UGCG: variants seen among roughly 807,000 people sequenced by gnomAD.
The protein encoded by UGCG is UDP-glucose ceramide glucosyltransferase, also known as ceramide glucosyltransferase.
Under a neutral mutation model 49.5 loss-of-function variants are expected in UGCG, and 10 were observed. The ratio of observed to expected loss-of-function variants is 0.20; its 90% CI spans 0.12 to 0.34. The LOEUF (loss-of-function observed/expected upper bound fraction) is 0.34. UGCG is among the 10% of genes least tolerant of loss of function. UGCG has a pLI of 1.00. For missense variants in UGCG, 312 were observed against 483.7 expected, an observed-to-expected ratio of 0.65 and a Z score of 3.33; for synonymous variants, 182 against 158.2, an observed-to-expected ratio of 1.15 and a Z score of -1.13.
chr9:111,910,588 A>G (rs1481445858), intron 1 of UGCG, among the ~76,000 whole-genome samples: 1 of 152,144 alleles, frequency 6.6e-6, no homozygotes, highest in Admixed American at 6.5e-5. Context: ...TGTCATTCCT[A>G]GAACTTGTGT....
At chr9:111,898,881 A>G (rs1200549307) in intron 1 of UGCG, among the ~76,000 whole-genome samples, 1 of 152,208 alleles carries the variant, frequency 6.6e-6, no homozygotes, top group East Asian at 1.9e-4. Context: ...AACCTGCTTT[A>G]AAGTTCATCT....
intron 1 of UGCG, among the ~76,000 whole-genome samples, chr9:111,906,357 A>C (rs1003344398): frequency 6.6e-6 from 1 of 152,108 alleles, no homozygotes; most frequent in African/African-American, 2.4e-5. Flanking sequence ...TTATTGGCTA[A>C]ACTCCTTGAT....
At chr9:111,915,770 C>T in intron 2 of UGCG, 1 of 984,704 alleles carries the variant, frequency 1.0e-6, no homozygotes. Context: ...CTTTATTTTT[C>T]TCGGTAGCAC....
chr9:111,931,244 T>G (rs760480764), intron 6 of UGCG, 27 bp from the exon 7 acceptor site: 3 of 1,608,972 alleles, frequency 1.9e-6, no homozygotes, highest in African/African-American at 2.7e-5. Flanking sequence ...TCATCATAAC[T>G]TATTTTCTAA....
At chr9:111,902,058 A>G (rs1837784742) in intron 1 of UGCG, among the ~76,000 whole-genome samples, 1 of 152,248 alleles carries the variant, frequency 6.6e-6, no homozygotes, top group African/African-American at 2.4e-5. Flanking sequence ...CCCCAAATGT[A>G]CAATGTGCTT....
At chr9:111,917,202 T>TTAGTACAG (rs1307012185) in intron 2 of UGCG, among the ~76,000 whole-genome samples, 1 of 152,220 alleles carries the variant, frequency 6.6e-6, no homozygotes, top group East Asian at 1.9e-4. Context: ...TTTTATTTTC[T>TTAGTACAG]AATTATAAAC....
At chr9:111,917,088 T>C (rs977602059) in intron 2 of UGCG, among the ~76,000 whole-genome samples, 6 of 152,180 alleles carry the variant, frequency 3.9e-5, no homozygotes, top group African/African-American at 1.4e-4. Context: ...TCTTTTTCCA[T>C]TTAGTTATAT....
chr9:111,914,472 A>G (rs939467580), intron 1 of UGCG, 133 bp from the exon 2 acceptor site: 1 of 873,416 alleles, frequency 1.1e-6, no homozygotes, highest in Non-Finnish European at 1.7e-6. Flanking sequence ...TCATGTTTAG[A>G]TCCTCTTTTA....
Position 111,932,035 on chromosome 9 carries a change from A to C in UGCG, c.825-135A>C, listed in dbSNP as rs571354611. 3.8e-5 allele frequency: 37 copies of C among 976,030 alleles called. No homozygotes were observed. In the South Asian group the frequency reaches 4.3e-4, roughly 11 times the overall value. 60.5% of individuals were successfully genotyped at this position (976,030 alleles called of 1,614,324 possible). A position where few individuals can be genotyped will look rare whatever the true frequency, so the allele number is the denominator to read the frequency against. On this transcript the variant is annotated intron_variant, in intron 7 of 8. Coordinates refer to ENST00000374279, the MANE Select transcript of UGCG (RefSeq NM_003358.3). ...ACCCCGTCTCAAGTAAAAAAAAAAA[A>C]ACAAAACAAAAAAAGTTTAAAGAGA...
intron 5 of UGCG, among the ~76,000 whole-genome samples, chr9:111,927,455 GTT>G (rs1193780837): frequency 4.0e-5 from 6 of 151,080 alleles, no homozygotes; most frequent in Admixed American, 1.3e-4. Flanking sequence ...TGTTTTTTTT[GTT>G]TTGTTTTTTT....
intron 2 of UGCG, among the ~76,000 whole-genome samples, chr9:111,919,951 A>T (rs755037347): frequency 6.6e-6 from 1 of 152,154 alleles, no homozygotes; most frequent in Non-Finnish European, 1.5e-5. Context: ...TGTGAAGGTC[A>T]TTGCCTTTTT....
chr9:111,917,385 T>C (rs1278558816), intron 2 of UGCG, among the ~76,000 whole-genome samples: 1 of 152,186 alleles, frequency 6.6e-6, no homozygotes, highest in Non-Finnish European at 1.5e-5. Flanking sequence ...CACGCATATC[T>C]GAGCATGAAC....
At chr9:111,909,228 A>G (rs1295623246) in intron 1 of UGCG, among the ~76,000 whole-genome samples, 2 of 152,198 alleles carry the variant, frequency 1.3e-5, no homozygotes, top group Non-Finnish European at 2.9e-5. Context: ...CCACAAGGCT[A>G]CTTCTGACCT....
At chr9:111,908,096 G>T (rs1013271354) in intron 1 of UGCG, among the ~76,000 whole-genome samples, 3 of 152,004 alleles carry the variant, frequency 2.0e-5, no homozygotes, top group African/African-American at 7.3e-5. Flanking sequence ...AAGGCTTGGG[G>T]GGTGGGTGGT....
intron 1 of UGCG, among the ~76,000 whole-genome samples, chr9:111,906,686 T>C (rs1367859532): frequency 5.2e-4 from 79 of 152,246 alleles, no homozygotes; most frequent in African/African-American, 1.8e-3. Flanking sequence ...TGCCTCAGCC[T>C]CCCAAATTGG....
At chr9:111,931,784 T>TG (rs1838428186) in intron 7 of UGCG, among the ~76,000 whole-genome samples, 1 of 152,118 alleles carries the variant, frequency 6.6e-6, no homozygotes, top group Non-Finnish European at 1.5e-5. Flanking sequence ...CCCAGCGCTT[T>TG]GGGAGGCCAA....
rs566483719 is a variant in UGCG at position 111,919,593 on chromosome 9, C to A, written c.241-3256C>A. Among the ~76,000 whole-genome samples the A allele has an allele frequency of 3.3e-5, 5 of 152,004 alleles. No individual in the cohort carries two copies. The East Asian group carries it at 9.7e-4, about 29-fold the overall frequency. Reference sequence around the variant, plus strand: ...GATCACGAGGTCAGGAGATTGAGACCATCCTGGCTAGCACAGTGAAACTCC... The same window carrying A: ...GATCACGAGGTCAGGAGATTGAGACAATCCTGGCTAGCACAGTGAAACTCC... On this transcript the variant is annotated intron_variant, in intron 2 of 8. Coordinates refer to ENST00000374279, the MANE Select transcript of UGCG (RefSeq NM_003358.3).
At chr9:111,924,026 G>C (rs1313659410) in intron 3 of UGCG, among the ~76,000 whole-genome samples, 1 of 152,148 alleles carries the variant, frequency 6.6e-6, no homozygotes, top group East Asian at 1.9e-4. Context: ...GACCTCAGGT[G>C]ATCCACCCCC....
At chr9:111,908,628 A>G (rs550164663) in intron 1 of UGCG, among the ~76,000 whole-genome samples, 56 of 152,238 alleles carry the variant, frequency 3.7e-4, no homozygotes, top group Non-Finnish European at 7.9e-4. Context: ...GCTGCAAGCC[A>G]GATGCATTAT....
Sources: gnomAD v4.1 joint callset for allele counts (sites outside exome capture counted in the v4.1 genomes callset) on GRCh38, gnomAD v4.1.1 for gene constraint, MANE v1.5 for transcripts, NCBI Gene and HGNC (gene_info 2026-07-23, HGNC 2026-07-21) for gene names.